The following GSE1 variants were observed in gnomAD, a reference collection of about 807,000 sequenced individuals.
The protein encoded by GSE1 is Gse1 coiled-coil protein.
A neutral mutation model predicts 112.6 loss-of-function variants in GSE1; 32 were observed. The ratio of observed to expected loss-of-function variants is 0.28; its 90% CI spans 0.21 to 0.38. The LOEUF (loss-of-function observed/expected upper bound fraction) is 0.38. GSE1 is among the 10% of genes least tolerant of loss of function. The pLI, the probability that GSE1 is intolerant of heterozygous loss-of-function variation, is 1.00. For synonymous variants in GSE1, 1,115 were observed against 735.6 expected (o/e 1.52, Z -8.35); for missense variants, 2,348 against 1,699.2 (o/e 1.38, Z -6.71).
chr16:85,654,644 C>G, intron 4 of GSE1, 150 bp from the exon 5 acceptor site: 1 of 713,666 alleles, frequency 1.4e-6, no homozygotes, highest in South Asian at 1.7e-5. Context: ...CTCGCTCCCC[C>G]CGCTGCTTAA....
intron 1 of GSE1, among the ~76,000 whole-genome samples, chr16:85,623,487 G>C (rs2048870057): frequency 6.6e-6 from 1 of 152,202 alleles, no homozygotes; most frequent in Non-Finnish European, 1.5e-5. Context: ...GCATGAGTCA[G>C]CCTGGGCCCA....
At chr16:85,336,603 ATT>A (rs542928731) in intron 1 of GSE1, among the ~76,000 whole-genome samples, 36 of 144,358 alleles carry the variant, frequency 2.5e-4, no homozygotes, top group African/African-American at 8.2e-4. Flanking sequence ...TGCCCTCACA[ATT>A]TTTTTTTTTT....
At chr16:85,619,603 T>G (rs567710398) in intron 1 of GSE1, among the ~76,000 whole-genome samples, 10 of 152,332 alleles carry the variant, frequency 6.6e-5, no homozygotes, top group Non-Finnish European at 1.5e-4. Flanking sequence ...CGGCCAGGTC[T>G]TGATCCCACT....
chr16:85,536,093 C>G (rs961369369), intron 2 of GSE1, among the ~76,000 whole-genome samples: 21 of 152,246 alleles, frequency 1.4e-4, no homozygotes, highest in Admixed American at 6.5e-4. Context: ...TTCAGAAGAA[C>G]TTGGAGGGAA....
intron 2 of GSE1, among the ~76,000 whole-genome samples, chr16:85,376,774 G>GGGGGCT (rs1460214935): frequency 3.9e-5 from 6 of 151,968 alleles, no homozygotes; most frequent in African/African-American, 1.4e-4. Context: ...GCAGAGAGCA[G>GGGGGCT]GGGGCTGGGG....
intron 1 of GSE1, among the ~76,000 whole-genome samples, chr16:85,201,046 C>T (rs2075019196): frequency 6.6e-6 from 1 of 151,778 alleles, no homozygotes; most frequent in Non-Finnish European, 1.5e-5. Context: ...GGATCTGTAA[C>T]CCCTTATCTG....
intron 1 of GSE1, among the ~76,000 whole-genome samples, chr16:85,209,634 A>T (rs1258354228): frequency 6.6e-6 from 1 of 152,220 alleles, no homozygotes; most frequent in African/African-American, 2.4e-5. Context: ...ACGCAAGGCC[A>T]GGAGGTGTTC....
intron 2 of GSE1, among the ~76,000 whole-genome samples, chr16:85,504,510 A>AGC (rs2051473364): frequency 6.6e-6 from 1 of 152,342 alleles, no homozygotes; most frequent in South Asian, 2.1e-4. Flanking sequence ...GTTTCCAGGT[A>AGC]GCATACGGTT....
intron 7 of GSE1, 50 bp from the exon 8 acceptor site, chr16:85,657,227 A>T (rs2052037968): frequency 1.6e-6 from 2 of 1,287,566 alleles, no homozygotes; most frequent in Non-Finnish European, 2.1e-6. Context: ...GGGAGGGAGC[A>T]TGCTGGCCCA....
rs777716921 is a variant in GSE1, at chr16:85,663,619, G to A, written c.2644+5G>A. 6.2e-7 allele frequency: 1 copy of A among 1,607,092 alleles called. No individual in the cohort carries two copies. Among genetic ancestry groups the A allele is most frequent in the South Asian group, 1.1e-5 (1 of 90,658 alleles). ...TCAGCGCTGAGAAGAGGAAAGGTAG[G>A]GCCTCGCCTGGGTAGGAAGGTGGGG... On this transcript the variant is annotated splice_donor_5th_base_variant and intron_variant, in intron 11 of 15. Coordinates refer to ENST00000253458, the MANE Select transcript of GSE1 (RefSeq NM_014615.5).
intron 2 of GSE1, among the ~76,000 whole-genome samples, chr16:85,473,636 G>A (rs2050363334): frequency 6.6e-6 from 1 of 152,182 alleles, no homozygotes; most frequent in Admixed American, 6.5e-5. Flanking sequence ...CACACATCGT[G>A]GGATTTAGGA....
chr16:85,634,973 G>GA (rs1480779068), intron 2 of GSE1, among the ~76,000 whole-genome samples: 1 of 152,110 alleles, frequency 6.6e-6, no homozygotes, highest in East Asian at 1.9e-4. Context: ...AGGAAACCGG[G>GA]ACCCCAGTGG....
At chr16:85,352,723 A>G (rs1251367132) in intron 1 of GSE1, among the ~76,000 whole-genome samples, 5 of 152,188 alleles carry the variant, frequency 3.3e-5, no homozygotes, top group African/African-American at 1.2e-4. Context: ...TGAGCAGGAG[A>G]TAATCCATAA....
intron 2 of GSE1, among the ~76,000 whole-genome samples, chr16:85,408,263 C>CT (rs1483428417): frequency 1.2e-3 from 2 of 1,734 alleles, no homozygotes; most frequent in African/African-American, 0.021. Context: ...TCAGGCCCCC[C>CT]GGATAATCCT....
intron 2 of GSE1, among the ~76,000 whole-genome samples, chr16:85,463,298 G>A (rs1284092478): frequency 6.6e-6 from 1 of 152,198 alleles, no homozygotes; most frequent in East Asian, 1.9e-4. Context: ...GCCTCCTCAT[G>A]CTGTCAACTC....
intron 1 of GSE1, among the ~76,000 whole-genome samples, chr16:85,186,267 C>G (rs145070539): frequency 0.02 from 3,039 of 151,912 alleles, 51 homozygotes; most frequent in Non-Finnish European, 0.027. Flanking sequence ...CCCAGGAGCT[C>G]GAGACCAGCC....
intron 2 of GSE1, among the ~76,000 whole-genome samples, chr16:85,461,190 T>C (rs2049957839): frequency 6.6e-6 from 1 of 152,184 alleles, no homozygotes; most frequent in Non-Finnish European, 1.5e-5. Context: ...ACTGTTGACA[T>C]TTGGGGTTGG....
chr16:85,649,842 G>C (rs2051186366), intron 3 of GSE1, among the ~76,000 whole-genome samples: 1 of 152,170 alleles, frequency 6.6e-6, no homozygotes, highest in South Asian at 2.1e-4. Context: ...CATGGGTATT[G>C]GAGCCACCTG....
intron 2 of GSE1, among the ~76,000 whole-genome samples, chr16:85,381,670 G>T (rs1169591188): frequency 1.3e-5 from 2 of 152,244 alleles, no homozygotes; most frequent in African/African-American, 2.4e-5. Flanking sequence ...GATGCTGCTG[G>T]CTTTCACTAG....
Sources: gnomAD v4.1 joint callset for allele counts (sites outside exome capture counted in the v4.1 genomes callset) on GRCh38, gnomAD v4.1.1 for gene constraint, MANE v1.5 for transcripts, NCBI Gene and HGNC (gene_info 2026-07-23, HGNC 2026-07-21) for gene names.